CNTNAP5: variants seen among roughly 807,000 people sequenced by gnomAD.
CNTNAP5 encodes contactin associated protein family member 5.
CNTNAP5 carries 72 observed loss-of-function variants against 150.2 expected under a neutral mutation model. The ratio of observed to expected loss-of-function variants is 0.48; its 90% CI spans 0.40 to 0.58. The LOEUF is 0.58. Among genes scored for constraint, CNTNAP5 ranks in the 20% least tolerant of loss-of-function variants. The pLI, the probability that CNTNAP5 is intolerant of heterozygous loss-of-function variation, is 0.00. For missense variants in CNTNAP5, 1,636 were observed against 1,626.2 expected (o/e 1.01, Z -0.10); for synonymous variants, 672 against 619.8 (o/e 1.08, Z -1.25).
At chr2:124,788,841 C>T (rs778529386) in intron 17 of CNTNAP5, among the ~76,000 whole-genome samples, 80 of 152,128 alleles carry the variant, frequency 5.3e-4, no homozygotes, top group Non-Finnish European at 1.1e-3. Flanking sequence ...CCATGTTGGC[C>T]AGGCGGGTCT....
At chr2:124,650,737 CCTTT>C (rs1486338231) in intron 13 of CNTNAP5, among the ~76,000 whole-genome samples, 1 of 152,082 alleles carries the variant, frequency 6.6e-6, no homozygotes, top group Non-Finnish European at 1.5e-5. Flanking sequence ...TGTACAAATA[CCTTT>C]CTTTATCAAT....
intron 1 of CNTNAP5, among the ~76,000 whole-genome samples, chr2:124,169,861 A>G (rs1558784556): frequency 6.6e-6 from 1 of 152,212 alleles, no homozygotes; most frequent in Non-Finnish European, 1.5e-5. Context: ...AGGTCCAACA[A>G]TTGATCTTAT....
chr2:124,252,272 A>T (rs1687199959), intron 3 of CNTNAP5, among the ~76,000 whole-genome samples: 1 of 152,180 alleles, frequency 6.6e-6, no homozygotes, highest in Non-Finnish European at 1.5e-5. Context: ...ATAGGCACGT[A>T]ATTTAAGGAA....
chr2:124,919,433 A>G lies in CNTNAP5; in HGVS notation c.*5145A>G, dbSNP rs1678830705. Among the ~76,000 whole-genome samples the G allele has an allele frequency of 6.6e-6, 1 of 152,256 alleles. No individual in the cohort carries two copies. Among genetic ancestry groups the G allele is most frequent in the East Asian group, 1.9e-4 (1 of 5,164 alleles). Reference sequence around the variant, plus strand: ...ATGTTTATAGTCTACAAAATGGCTGAGCAGACATGAACAAAGGTTAATGCA... The same window carrying G: ...ATGTTTATAGTCTACAAAATGGCTGGGCAGACATGAACAAAGGTTAATGCA... On this transcript the variant is annotated 3_prime_UTR_variant, in exon 24 of 24. Coordinates refer to ENST00000682447, the MANE Select transcript of CNTNAP5 (RefSeq NM_001367498.1).
intron 19 of CNTNAP5, among the ~76,000 whole-genome samples, chr2:124,861,804 T>A (rs895299371): frequency 1.3e-5 from 2 of 152,070 alleles, no homozygotes; most frequent in Non-Finnish European, 2.9e-5. Flanking sequence ...TTATTTTTAT[T>A]TATTTTATTC....
intron 11 of CNTNAP5, among the ~76,000 whole-genome samples, chr2:124,591,502 G>A (rs112023663): frequency 0.021 from 3,153 of 152,238 alleles, 37 homozygotes; most frequent in Middle Eastern, 0.037. Flanking sequence ...AGTGGAGAAA[G>A]AGAAAGGAAG....
At chr2:124,081,905 T>C (rs536349861) in intron 1 of CNTNAP5, among the ~76,000 whole-genome samples, 1 of 152,294 alleles carries the variant, frequency 6.6e-6, no homozygotes, top group African/African-American at 2.4e-5. Context: ...GATGATGACA[T>C]TAATGTTGTC....
intron 10 of CNTNAP5, among the ~76,000 whole-genome samples, chr2:124,542,281 T>C (rs1695405245): frequency 6.7e-6 from 1 of 149,264 alleles, no homozygotes; most frequent in Non-Finnish European, 1.5e-5. Flanking sequence ...TGTGTGCATT[T>C]ACTGAGCATC....
chr2:124,661,147 A>T (rs1190008623), intron 13 of CNTNAP5, among the ~76,000 whole-genome samples: 1 of 151,972 alleles, frequency 6.6e-6, no homozygotes, highest in Non-Finnish European at 1.5e-5. Flanking sequence ...CACTACATTT[A>T]AAAAAATATT....
chr2:124,608,846 G>A (rs574646984), intron 11 of CNTNAP5, among the ~76,000 whole-genome samples: 13 of 151,752 alleles, frequency 8.6e-5, no homozygotes, highest in African/African-American at 1.7e-4. Flanking sequence ...TCAGGAGTCC[G>A]AGGCAGGAGA....
In CNTNAP5 at chr2:124,752,939, T is replaced by G. The variant is rs947785036; in HGVS notation, c.2234+5554T>G. The stretch of plus-strand genomic sequence containing the variant: ...GAGAAGGCAGAGAGAATACACAATG[T>G]CCCTCATGATGATGACCCGTGGCCC... On this transcript the variant is annotated intron_variant, in intron 14 of 23. Transcript: ENST00000682447. Among the ~76,000 whole-genome samples the G allele has an allele frequency of 7.9e-5, 12 of 152,262 alleles. No homozygotes were observed. In the East Asian group the frequency reaches 2.3e-3, roughly 29 times the overall value.
At chr2:124,676,017 T>G (rs1461769951) in intron 13 of CNTNAP5, among the ~76,000 whole-genome samples, 5 of 152,190 alleles carry the variant, frequency 3.3e-5, no homozygotes, top group Non-Finnish European at 7.3e-5. Flanking sequence ...GTTGTTTTTA[T>G]TGTTTCTGAT....
At chr2:124,546,871 C>T (rs925544936) in intron 10 of CNTNAP5, among the ~76,000 whole-genome samples, 4 of 152,126 alleles carry the variant, frequency 2.6e-5, no homozygotes, top group African/African-American at 9.7e-5. Context: ...GATAGTGATA[C>T]TTGTCTTACA....
chr2:124,048,380 A>G (rs1296752310), intron 1 of CNTNAP5, among the ~76,000 whole-genome samples: 2 of 152,224 alleles, frequency 1.3e-5, no homozygotes, highest in Non-Finnish European at 2.9e-5. Flanking sequence ...TAATACTGAT[A>G]TGCCATTTAA....
At chr2:124,336,468 C>T (rs1689471384) in intron 3 of CNTNAP5, among the ~76,000 whole-genome samples, 1 of 151,656 alleles carries the variant, frequency 6.6e-6, no homozygotes, top group Non-Finnish European at 1.5e-5. Flanking sequence ...TGGTGTGCTG[C>T]ACCCATTGAC....
chr2:124,760,755 GT>G (rs1449373621), intron 14 of CNTNAP5, among the ~76,000 whole-genome samples: 1 of 151,994 alleles, frequency 6.6e-6, no homozygotes, highest in Non-Finnish European at 1.5e-5. Context: ...TTGTTTGTAT[GT>G]CATATTTTTA....
chr2:124,432,890 AC>A (rs1245361061), intron 4 of CNTNAP5, among the ~76,000 whole-genome samples: 6 of 152,324 alleles, frequency 3.9e-5, no homozygotes, highest in Admixed American at 3.3e-4. Context: ...TTCAATTACT[AC>A]TAATACCTCT....
rs1239075873 is a variant in CNTNAP5, at chr2:124,596,117, GT to G, written c.1757-13678del. Among the ~76,000 whole-genome samples, 4 of 134,604 alleles carry G rather than the reference GT, an allele frequency of 3.0e-5. No individual in the cohort carries two copies. The Admixed American group carries it at 3.1e-4, about 10-fold the overall frequency. 88.3% of individuals were successfully genotyped at this position (134,604 alleles called of 152,430 possible). ...CCTGGATTCATTGATTTTTTGAAGA[GT>G]TTTTTGTGTCTCTATTTCCTTCAGT... On this transcript the variant is annotated intron_variant, in intron 11 of 23. Coordinates refer to ENST00000682447, the MANE Select transcript of CNTNAP5 (RefSeq NM_001367498.1).
intron 3 of CNTNAP5, among the ~76,000 whole-genome samples, chr2:124,412,455 C>G (rs906044913): frequency 6.7e-6 from 1 of 149,862 alleles, no homozygotes; most frequent in African/African-American, 2.4e-5. Context: ...AAGCTGGAGG[C>G]ATCACACTAC....
Sources: allele counts gnomAD v4.1 joint callset (sites outside exome capture counted in the v4.1 genomes callset), GRCh38; gene constraint gnomAD v4.1.1; transcripts MANE v1.5; gene names NCBI Gene and HGNC (gene_info 2026-07-23, HGNC 2026-07-21).